The following BBIP1 variants were observed in gnomAD, a reference collection of about 807,000 sequenced individuals.
The protein encoded by BBIP1 is BBSome-interacting protein 1.
BBIP1 carries 6 observed loss-of-function variants against 8.9 expected under a neutral mutation model. The observed-to-expected ratio is 0.67, with a 90% CI of 0.37 to 1.33. The LOEUF is 1.33. Among genes scored for constraint, BBIP1 ranks in the 40% most tolerant of loss-of-function variants. The probability of loss-of-function intolerance (pLI) is 0.02; values close to 1 mark genes in which losing one functional copy is unlikely to be tolerated. For synonymous variants in BBIP1, 32 were observed against 33.4 expected (o/e 0.96, Z 0.14); for missense variants, 111 against 109.2 (o/e 1.02, Z -0.07).
intron 2 of BBIP1, among the ~76,000 whole-genome samples, chr10:110,912,729 C>T (rs1213097880): frequency 6.6e-6 from 1 of 152,050 alleles, no homozygotes; most frequent in Non-Finnish European, 1.5e-5. Flanking sequence ...ACTAAGTCTC[C>T]TTAATCTAGT....
At position 110,901,554 on chromosome 10, in the gene BBIP1, T is replaced by C; in HGVS notation, c.96A>G (p.Glu32=). 6.5e-7 allele frequency: 1 copy of C among 1,535,392 alleles called. No homozygotes were observed. Among genetic ancestry groups the C allele is most frequent in the Non-Finnish European group, 8.7e-7 (1 of 1,146,258 alleles). ...TGTACATACCTTGCTTTGGAAGAAC[T>C]TCCCGGAACATTGACTTCACTTCTG... ...DMAEVKSMFR[E]VLPKQGPLFV... Residue 32 remains glutamate (E), a synonymous_variant, in exon 3 of 4, where the codon GAA becomes GAG. Transcript: ENST00000448814.
rs142953207 is a variant in BBIP1 at position 110,918,028 on chromosome 10, C to T, written c.37+93G>A. The T allele has an allele frequency of 5.5e-4, 596 of 1,092,292 alleles. 3 individuals are homozygous for T. The African/African-American group carries it at 8.5e-3, about 16-fold the overall frequency. The allele number at this position is 1,092,292 out of a possible 1,614,324, so 67.7% of individuals were successfully genotyped here. A position where few individuals can be genotyped will look rare whatever the true frequency, so the allele number is the denominator to read the frequency against. On this transcript the variant is annotated intron_variant, in intron 2 of 3. Transcript: ENST00000448814. Reference sequence around the variant, plus strand: ...AACAAGAGTAGTTCATTTTGGCTGGCGTGTAAGTACTAAGGAAGCAGAAAT... The same window carrying T: ...AACAAGAGTAGTTCATTTTGGCTGGTGTGTAAGTACTAAGGAAGCAGAAAT...
intron 2 of BBIP1, among the ~76,000 whole-genome samples, chr10:110,906,102 A>T (rs1028277784): frequency 6.7e-6 from 1 of 150,310 alleles, no homozygotes; most frequent in Non-Finnish European, 1.5e-5. Context: ...TCCCGGGTTC[A>T]TGCCATTCTC....
In BBIP1 at chr10:110,900,481, G is replaced by A; in HGVS notation, c.158C>T (p.Pro53Leu). ...EDIMTMVLCK[P>L]KLLPLKSLTL... Reference sequence around the variant, plus strand: ...CAGAGATTTTAAGGGTAAAAGTTTGGGTTTACACAGCACCATTGTCATTAT... The same window carrying A: ...CAGAGATTTTAAGGGTAAAAGTTTGAGTTTACACAGCACCATTGTCATTAT... Residue 53 changes from proline (P) to leucine (L), a missense_variant, in exon 4 of 4, where the codon CCC (proline) becomes CTC (leucine). Transcript: ENST00000448814. 1 of 1,535,466 alleles carries A rather than the reference G, an allele frequency of 6.5e-7. No homozygotes were observed. The highest frequency in any genetic ancestry group is 8.7e-7 in the Non-Finnish European group (1 of 1,146,578).
intron 2 of BBIP1, chr10:110,907,954 G>A (rs534663275): frequency 2.2e-5 from 12 of 548,152 alleles, no homozygotes; most frequent in Non-Finnish European, 3.8e-5. Flanking sequence ...GTTTCCTAAA[G>A]TTATGTGATT....
intron 2 of BBIP1, chr10:110,907,945 T>C: frequency 1.8e-6 from 1 of 557,152 alleles, no homozygotes; most frequent in Non-Finnish European, 3.2e-6. Flanking sequence ...GTATATATTG[T>C]TTCCTAAAGT....
At chr10:110,905,138 T>C (rs1846097974) in intron 2 of BBIP1, among the ~76,000 whole-genome samples, 2 of 152,248 alleles carry the variant, frequency 1.3e-5, no homozygotes, top group Admixed American at 1.3e-4. Flanking sequence ...AAATTAATGC[T>C]GAAAAACTTG....
chr10:110,919,231 C>T, upstream of BBIP1: 1 of 202,012 alleles, frequency 5.0e-6, no homozygotes, highest in Non-Finnish European at 9.9e-6. Flanking sequence ...TCTCCTTTTG[C>T]CATTATCAGT....
chr10:110,912,707 T>C (rs377693152), intron 2 of BBIP1, among the ~76,000 whole-genome samples: 2 of 152,172 alleles, frequency 1.3e-5, no homozygotes, highest in Non-Finnish European at 2.9e-5. Context: ...TTTTTAAAAC[T>C]GTCCTCCCCA....
At chr10:110,913,222 C>T (rs1846319807) in intron 2 of BBIP1, among the ~76,000 whole-genome samples, 1 of 152,204 alleles carries the variant, frequency 6.6e-6, no homozygotes, top group Non-Finnish European at 1.5e-5. Context: ...TTGGTTTTCT[C>T]ATACAAAACA....
At chr10:110,910,505 G>C (rs1182041144) in intron 2 of BBIP1, 1 of 152,178 alleles carries the variant, frequency 6.6e-6, no homozygotes, top group Non-Finnish European at 1.5e-5. Context: ...AATGAGAAGA[G>C]ACACTAGAGG....
chr10:110,900,329 C>A lies in BBIP1; in HGVS notation c.*31G>T. 1 of 1,508,408 alleles carries A rather than the reference C, an allele frequency of 6.6e-7. No individual in the cohort carries two copies. The highest frequency in any genetic ancestry group is 1.2e-5 in the South Asian group (1 of 80,486). The allele number at this position is 1,508,408 out of a possible 1,614,324, so 93.4% of individuals were successfully genotyped here. On this transcript the variant is annotated 3_prime_UTR_variant, in exon 4 of 4. Transcript: ENST00000448814. ...AGTTATTGTTAAATAGTAGATAAGG[C>A]AGGTTGTTCCCTAAAGTGCTCAGTT...
chr10:110,909,971 T>C (rs1846237167), intron 2 of BBIP1, among the ~76,000 whole-genome samples: 1 of 152,250 alleles, frequency 6.6e-6, no homozygotes, highest in South Asian at 2.1e-4. Flanking sequence ...AACCAGTTTC[T>C]TTCTTTGGTG....
intron 2 of BBIP1, among the ~76,000 whole-genome samples, chr10:110,912,639 T>C (rs1309256047): frequency 6.6e-6 from 1 of 152,170 alleles, no homozygotes. Flanking sequence ...TGAAAACATA[T>C]TGTGGATGCC....
At chr10:110,902,406 A>G (rs930059957) in intron 2 of BBIP1, 10 of 152,296 alleles carry the variant, frequency 6.6e-5, no homozygotes, top group African/African-American at 2.4e-4. Flanking sequence ...CTTTCCAAAC[A>G]CAGATGCTTT....
Position 110,918,210 on chromosome 10 carries a change from G to GA in BBIP1, c.-54dup. The GA allele has an allele frequency of 2.8e-6, 4 of 1,409,732 alleles. No homozygotes were observed. The highest frequency in any genetic ancestry group is 3.9e-6 in the Non-Finnish European group (4 of 1,032,538). The allele number at this position is 1,409,732 out of a possible 1,614,324, so 87.3% of individuals were successfully genotyped here. On this transcript the variant is annotated 5_prime_UTR_variant, in exon 2 of 4. An upstream open reading frame in the 5' UTR gains an earlier in-frame stop. Coordinates refer to ENST00000448814, the MANE Select transcript of BBIP1 (RefSeq NM_001195305.3). ...GAGTTCTTGACTCAAGCATACAGAA[G>GA]AAACTACAAGATAATGTATGATAAC...
chr10:110,900,959 T>G (rs1845983352), intron 3 of BBIP1: 1 of 245,224 alleles, frequency 4.1e-6, no homozygotes, highest in Admixed American at 5.4e-5. Context: ...AGACCTTATT[T>G]AACATAGTAA....
Position 110,901,532 on chromosome 10 carries a change from A to G in BBIP1, c.112+6T>C, listed in dbSNP as rs1272432004. 6.6e-7 allele frequency: 1 copy of G among 1,525,032 alleles called. No individual in the cohort carries two copies. Among genetic ancestry groups the G allele is most frequent in the East Asian group, 2.5e-5 (1 of 40,816 alleles). 94.5% of individuals were successfully genotyped at this position (1,525,032 alleles called of 1,614,324 possible). On this transcript the variant is annotated splice_donor_region_variant and intron_variant, in intron 3 of 3. Transcript: ENST00000448814. ...TCAATGACCTCAATATTTGTGATGT[A>G]CATACCTTGCTTTGGAAGAACTTCC...
chr10:110,907,696 C>T (rs1245525406), intron 2 of BBIP1: 27 of 696,068 alleles, frequency 3.9e-5, no homozygotes, highest in Non-Finnish European at 2.6e-6. Flanking sequence ...TGCTTGTATA[C>T]CCCTCCGATT....
Sources: allele counts gnomAD v4.1 joint callset (sites outside exome capture counted in the v4.1 genomes callset), GRCh38; gene constraint gnomAD v4.1.1; transcripts MANE v1.5; gene names NCBI Gene and HGNC (gene_info 2026-07-23, HGNC 2026-07-21).